Variants in CYP4F8 observed in about 807,000 individuals in gnomAD.
The protein encoded by CYP4F8 is cytochrome P450 family 4 subfamily F member 8, also known as cytochrome P450 4F8.
Under a neutral mutation model 55.0 loss-of-function variants are expected in CYP4F8, and 56 were observed. That is an observed-to-expected ratio of 1.02 (90% CI 0.82 to 1.27). The LOEUF (loss-of-function observed/expected upper bound fraction) is 1.27. Among genes scored for constraint, CYP4F8 ranks in the 50% most tolerant of loss-of-function variants. The pLI is 0.00. For missense variants in CYP4F8, 680 were observed against 682.4 expected (o/e 1.00, Z 0.04); for synonymous variants, 288 against 267.3 (o/e 1.08, Z -0.76).
intron 9 of CYP4F8, among the ~76,000 whole-genome samples, chr19:15,625,800 A>T (rs1321730328): frequency 6.6e-6 from 1 of 152,152 alleles, no homozygotes; most frequent in African/African-American, 2.4e-5. Context: ...TCATTTTTCT[A>T]TACAATACGT....
intron 9 of CYP4F8, among the ~76,000 whole-genome samples, chr19:15,625,359 AGTGTATATATATATAGTGTTT>A (rs1568384614): frequency 7.0e-6 from 1 of 143,854 alleles, no homozygotes; most frequent in East Asian, 2.0e-4. Flanking sequence ...GTATATATAT[AGTGTATATATATATAGTGTTT>A]GTGTATATAT....
chr19:15,616,293 CGCTCACTCATTCCTCTCCTT>C lies in CYP4F8; in HGVS notation c.198+496_198+515del, dbSNP rs374046093. ...CTCCTCGCTCACTCATTCCTCTCCT[CGCTCACTCATTCCTCTCCTT>C]GCTCACTCATTCCTCTGCTTTGCCA... is the stretch of plus-strand genomic sequence containing the variant. On this transcript the variant is annotated intron_variant, in intron 2 of 12. Coordinates refer to ENST00000612078, the MANE Select transcript of CYP4F8 (RefSeq NM_007253.4). 6.0e-3 allele frequency among the ~76,000 whole-genome samples: 905 copies of C among 149,902 alleles called. 60 individuals carry two copies. The highest frequency in any genetic ancestry group is 0.016 in the South Asian group (74 of 4,710).
Position 15,628,833 on chromosome 19 carries a change from G to T in CYP4F8, c.1387G>T (p.Ala463Ser), listed in dbSNP as rs1972298118. The change falls in exon 12 of 13, where the codon GCG becomes TCG. Residue 463 changes from alanine to serine, a missense_variant. By Grantham distance (99) the Ala-to-Ser change is moderately conservative. Coordinates refer to ENST00000612078, the MANE Select transcript of CYP4F8 (RefSeq NM_007253.4). ...ACCTATGGCTTTTATTCCTTTCTCG[G>T]CGGGGCCCAGGTGAGGCCAGGGGGT... ...RSPMAFIPFS[A>S]GPRNCIGQKF... The T allele has an allele frequency of 6.2e-7, 1 of 1,602,072 alleles. No homozygotes were observed. The highest frequency in any genetic ancestry group is 8.5e-7 in the Non-Finnish European group (1 of 1,174,788).
Position 15,622,265 on chromosome 19 carries a change from T to G in CYP4F8, c.572T>G (p.Val191Gly). Residue 191 changes from valine (V) to glycine (G), a missense_variant, in exon 6 of 13, where the codon GTG becomes GGG. Transcript: ENST00000612078. Reference protein sequence around the residue: ...LAMEGSTCLDVFEHISLMTLD... With the variant: ...LAMEGSTCLDGFEHISLMTLD... ...ATGGAGGGCAGCACCTGTCTGGATGTGTTTGAGCACATCAGCCTTATGACC... is the reference window on the plus strand; with the variant it reads ...ATGGAGGGCAGCACCTGTCTGGATGGGTTTGAGCACATCAGCCTTATGACC... 1 of 1,613,776 alleles carries G rather than the reference T, an allele frequency of 6.2e-7. No individual in the cohort carries two copies. The highest frequency in any genetic ancestry group is 8.5e-7 in the Non-Finnish European group (1 of 1,179,908).
chr19:15,626,294 C>A (rs1304010069), intron 9 of CYP4F8, among the ~76,000 whole-genome samples: 1 of 152,192 alleles, frequency 6.6e-6, no homozygotes, highest in Non-Finnish European at 1.5e-5. Context: ...CTGGAGGTTG[C>A]CTTCCATATT....
intron 2 of CYP4F8, 150 bp from the exon 3 acceptor site, chr19:15,617,850 G>A: frequency 1.1e-6 from 1 of 946,926 alleles, no homozygotes. Flanking sequence ...GGGAAGGGGA[G>A]ATCCTCCTTC....
chr19:15,622,947 C>A, intron 6 of CYP4F8, 158 bp from the exon 7 acceptor site: 2 of 823,982 alleles, frequency 2.4e-6, no homozygotes, highest in Non-Finnish European at 3.7e-6. Flanking sequence ...GGACCTGGGG[C>A]AGGAGGCAGC....
At chr19:15,624,184 C>T (rs569398021) in intron 9 of CYP4F8, 90 bp downstream of exon 9, 3 of 1,543,962 alleles carry the variant, frequency 1.9e-6, no homozygotes, top group African/African-American at 1.4e-5. Context: ...AGGGGAGGAT[C>T]TTTTTGATGA....
chr19:15,615,604 T>C lies in CYP4F8; in HGVS notation c.-1-12T>C, dbSNP rs756755628. Reference sequence around the variant, plus strand: ...CCTCAGGACCTCACCCTCCATCCCGTCTGCCCTGCAGGATGTCGCTGCTGA... The same window carrying C: ...CCTCAGGACCTCACCCTCCATCCCGCCTGCCCTGCAGGATGTCGCTGCTGA... On this transcript the variant is annotated splice_polypyrimidine_tract_variant and intron_variant, in intron 1 of 12. Transcript: ENST00000612078. 1 of 1,612,720 alleles carries C rather than the reference T, an allele frequency of 6.2e-7. No homozygotes were observed. Among genetic ancestry groups the C allele is most frequent in the Admixed American group, 1.7e-5 (1 of 59,914 alleles).
chr19:15,629,471 GGC>G lies in CYP4F8; in HGVS notation c.*114_*115del, dbSNP rs1288189585. ...GCCCCTGTGCCTCAGTCCCGCGGAT[GGC>G]CAGTAGGGGGCGCTGGAGGACTGCG... is the stretch of plus-strand genomic sequence containing the variant. On this transcript the variant is annotated 3_prime_UTR_variant, in exon 13 of 13. Coordinates refer to ENST00000612078, the MANE Select transcript of CYP4F8 (RefSeq NM_007253.4). 1.5e-6 allele frequency: 2 copies of G among 1,376,610 alleles called. No individual in the cohort carries two copies. The highest frequency in any genetic ancestry group is 3.0e-5 in the Admixed American group (1 of 32,908). 85.3% of individuals were successfully genotyped at this position (1,376,610 alleles called of 1,614,324 possible). A position where few individuals can be genotyped will look rare whatever the true frequency, so the allele number is the denominator to read the frequency against.
chr19:15,625,514 G>A (rs2144610017), intron 9 of CYP4F8, among the ~76,000 whole-genome samples: 1 of 151,088 alleles, frequency 6.6e-6, no homozygotes, highest in East Asian at 2.0e-4. Context: ...GGTTTTATTT[G>A]TTGCCTTCAT....
chr19:15,628,299 T>C lies in CYP4F8; in HGVS notation c.1116-3T>C, dbSNP rs1326089843. 1 of 1,614,004 alleles carries C rather than the reference T, an allele frequency of 6.2e-7. No individual in the cohort carries two copies. ...TCTGGATAATTGTTGGGTGTTTCCT[T>C]AGGGACGACCTGGCCCAGTTGCCCT... On this transcript the variant is annotated splice_region_variant and splice_polypyrimidine_tract_variant and intron_variant, in intron 9 of 12. Transcript: ENST00000612078.
rs906381848 is a variant in CYP4F8 at position 15,616,114 on chromosome 19, C to T, written c.198+300C>T. The stretch of plus-strand genomic sequence containing the variant: ...CTCATTCTCCTCACTCATTCCTCTC[C>T]TCACTCACTCATTCCTCTCCTCACT... On this transcript the variant is annotated intron_variant, in intron 2 of 12. Coordinates refer to ENST00000612078, the MANE Select transcript of CYP4F8 (RefSeq NM_007253.4). 2.5e-5 allele frequency among the ~76,000 whole-genome samples: 3 copies of T among 122,372 alleles called. No individual in the cohort carries two copies. The Admixed American group carries it at 2.5e-4, about 10-fold the overall frequency. 80.3% of individuals were successfully genotyped at this position (122,372 alleles called of 152,430 possible).
At chr19:15,625,644 C>T (rs1055612748) in intron 9 of CYP4F8, among the ~76,000 whole-genome samples, 3 of 151,530 alleles carry the variant, frequency 2.0e-5, no homozygotes, top group African/African-American at 4.8e-5. Context: ...TTTTTTCCCT[C>T]GAGTTCCTAT....
intron 3 of CYP4F8, chr19:15,619,082 A>C: frequency 5.2e-6 from 1 of 192,262 alleles, no homozygotes; most frequent in East Asian, 1.3e-4. Context: ...AAGAGAAGCT[A>C]TTGACTGCAA....
At chr19:15,622,830 T>A in intron 6 of CYP4F8, 1 of 497,748 alleles carries the variant, frequency 2.0e-6, no homozygotes, top group Admixed American at 3.3e-5. Flanking sequence ...CTGAGTTTGG[T>A]GGAGAAAATG....
At chr19:15,625,383 GTA>G (rs528992969) in intron 9 of CYP4F8, among the ~76,000 whole-genome samples, 6 of 146,932 alleles carry the variant, frequency 4.1e-5, no homozygotes, top group Admixed American at 1.4e-4. Context: ...TAGTGTTTGT[GTA>G]TATATATATA....
chr19:15,619,609 C>T, intron 4 of CYP4F8, 26 bp from the exon 5 acceptor site: 1 of 1,614,162 alleles, frequency 6.2e-7, no homozygotes, highest in Non-Finnish European at 8.5e-7. Flanking sequence ...TCTGCCCTTG[C>T]CCACAGCCTT....
At chr19:15,617,520 A>ATCTATCTG (rs1555736860) in intron 2 of CYP4F8, among the ~76,000 whole-genome samples, 4 of 125,996 alleles carry the variant, frequency 3.2e-5, no homozygotes, top group African/African-American at 1.2e-4. Context: ...CTATCTATCT[A>ATCTATCTG]TCTATCTATC....
Sources: gnomAD v4.1 joint callset for allele counts (sites outside exome capture counted in the v4.1 genomes callset) on GRCh38, gnomAD v4.1.1 for gene constraint, MANE v1.5 for transcripts, NCBI Gene and HGNC (gene_info 2026-07-23, HGNC 2026-07-21) for gene names.